Variants in SNX4 observed in about 807,000 individuals in gnomAD.
The protein encoded by SNX4 is sorting nexin 4, also known as sorting nexin-4.
In SNX4, 49 loss-of-function variants were observed where a neutral mutation model predicts 70.8. The observed-to-expected ratio is 0.69, with a 90% CI of 0.55 to 0.88. The LOEUF (loss-of-function observed/expected upper bound fraction) is 0.88. Among genes scored for constraint, SNX4 ranks in the 40% least tolerant of loss-of-function variants. SNX4 has a pLI of 0.00. For synonymous variants in SNX4, 206 were observed against 183.8 expected (o/e 1.12, Z -0.98); for missense variants, 528 against 544.8 (o/e 0.97, Z 0.31).
At chr3:125,478,823 C>T (rs1028236675) in intron 7 of SNX4, among the ~76,000 whole-genome samples, 11 of 152,124 alleles carry the variant, frequency 7.2e-5, no homozygotes, top group South Asian at 2.1e-4. Context: ...GCACCTCCCA[C>T]GAGAACTATT....
chr3:125,472,841 TACA>T (rs1667132740), intron 8 of SNX4, among the ~76,000 whole-genome samples: 1 of 152,076 alleles, frequency 6.6e-6, no homozygotes, highest in African/African-American at 2.4e-5. Context: ...CGGTGCCTTC[TACA>T]ACTCACCTCT....
At chr3:125,464,564 C>CTTTTTTTTTTTTTT (rs778518316) in intron 9 of SNX4, among the ~76,000 whole-genome samples, 4 of 67,056 alleles carry the variant, frequency 6.0e-5, no homozygotes, top group Non-Finnish European at 7.9e-5. Flanking sequence ...ATTTATCTTT[C>CTTTTTTTTTTTTTT]TTTTTTTTTT....
chr3:125,478,060 C>A (rs57654548), intron 7 of SNX4, among the ~76,000 whole-genome samples: 22,445 of 149,104 alleles, frequency 0.15, 1,778 homozygotes, highest in African/African-American at 0.19. Flanking sequence ...TCTTCTTCTT[C>A]TTATTATTAT....
intron 9 of SNX4, among the ~76,000 whole-genome samples, chr3:125,467,073 ACT>A (rs1321571318): frequency 8.3e-6 from 1 of 121,026 alleles, no homozygotes; most frequent in Non-Finnish European, 1.6e-5. Flanking sequence ...AAAGAGTGAG[ACT>A]CTGTCTTCCA....
At chr3:125,483,905 A>T (rs181528419) in intron 6 of SNX4, among the ~76,000 whole-genome samples, 2 of 152,382 alleles carry the variant, frequency 1.3e-5, no homozygotes, top group Admixed American at 1.3e-4. Context: ...CTGCATATTA[A>T]AATGAGGAAT....
chr3:125,502,413 T>G (rs1330375865), intron 2 of SNX4, among the ~76,000 whole-genome samples: 1 of 151,978 alleles, frequency 6.6e-6, no homozygotes, highest in Non-Finnish European at 1.5e-5. Flanking sequence ...GAAAACTAAA[T>G]TTTCAGAATT....
chr3:125,458,804 G>A (rs1933795703), intron 10 of SNX4, among the ~76,000 whole-genome samples: 1 of 105,820 alleles, frequency 9.5e-6, no homozygotes, highest in African/African-American at 3.7e-5. Context: ...GAAAGAGCGA[G>A]ACTCCGTCTC....
chr3:125,455,754 C>T (rs568553803), intron 11 of SNX4, among the ~76,000 whole-genome samples: 55 of 152,242 alleles, frequency 3.6e-4, no homozygotes, highest in African/African-American at 1.2e-3. Flanking sequence ...TGGCTCATGC[C>T]TATAATCCCA....
chr3:125,465,791 C>A (rs969820479), intron 9 of SNX4, among the ~76,000 whole-genome samples: 1 of 151,916 alleles, frequency 6.6e-6, no homozygotes, highest in Non-Finnish European at 1.5e-5. Context: ...TATAGGCATG[C>A]GCCACCACAC....
At chr3:125,502,328 T>C (rs1934945929) in intron 2 of SNX4, among the ~76,000 whole-genome samples, 1 of 146,906 alleles carries the variant, frequency 6.8e-6, no homozygotes. Context: ...CTAAACTTCT[T>C]ACTGTATAAA....
chr3:125,482,241 T>C (rs544389908), intron 6 of SNX4, among the ~76,000 whole-genome samples: 2 of 152,324 alleles, frequency 1.3e-5, no homozygotes, highest in South Asian at 4.1e-4. Context: ...ACTCCAGATC[T>C]ATAAAACCAA....
chr3:125,451,237 TA>T, intron 13 of SNX4, 67 bp downstream of exon 13: 1 of 931,438 alleles, frequency 1.1e-6, no homozygotes, highest in Non-Finnish European at 1.6e-6. Flanking sequence ...TTTGGTCAGG[TA>T]ATTTAAATAC....
intron 8 of SNX4, among the ~76,000 whole-genome samples, chr3:125,475,888 G>A (rs1341212955): frequency 6.6e-6 from 1 of 151,498 alleles, no homozygotes; most frequent in Admixed American, 6.6e-5. Flanking sequence ...TGAAGCAGGA[G>A]GATCACTAGA....
chr3:125,467,288 G>A (rs967212611), intron 9 of SNX4, among the ~76,000 whole-genome samples: 2 of 151,974 alleles, frequency 1.3e-5, no homozygotes, highest in Non-Finnish European at 2.9e-5. Context: ...TCGGGAGGCT[G>A]AGTCAGGAGA....
chr3:125,483,545 G>C lies in SNX4; in HGVS notation c.654-3226C>G, dbSNP rs1490148668. ...AGGTGAAGCAGAGGTTTCTGGAGTT[G>C]AAAGGTCTTAACACCTTTGGTCACA... On this transcript the variant is annotated intron_variant, in intron 6 of 13. Coordinates refer to ENST00000251775, the MANE Select transcript of SNX4 (RefSeq NM_003794.4). 5.3e-5 allele frequency among the ~76,000 whole-genome samples: 8 copies of C among 152,182 alleles called. 1 individual carries two copies. Among genetic ancestry groups the C allele is most frequent in the Admixed American group, 5.2e-4 (8 of 15,280 alleles).
rs554887245 is a variant in SNX4, at chr3:125,519,987, G to A, written c.141+45C>T. On this transcript the variant is annotated intron_variant, in intron 1 of 13. Coordinates refer to ENST00000251775, the MANE Select transcript of SNX4 (RefSeq NM_003794.4). ...CAGCCCAGCCCAGCCCGGCCCGCTA[G>A]GCCACCACACAGGCCATGAGGGCTC... 13 of 1,143,844 alleles carry A rather than the reference G, an allele frequency of 1.1e-5. No homozygotes were observed. The East Asian group carries it at 3.0e-4, about 26-fold the overall frequency. 70.9% of individuals were successfully genotyped at this position (1,143,844 alleles called of 1,614,324 possible).
chr3:125,475,997 A>C (rs1934281595), intron 8 of SNX4, among the ~76,000 whole-genome samples: 1 of 151,568 alleles, frequency 6.6e-6, no homozygotes, highest in East Asian at 2.0e-4. Context: ...AACCGGGTGC[A>C]GTGGCATACA....
intron 2 of SNX4, among the ~76,000 whole-genome samples, chr3:125,504,153 A>C (rs1209553651): frequency 6.6e-6 from 1 of 152,126 alleles, no homozygotes; most frequent in Non-Finnish European, 1.5e-5. Flanking sequence ...CAACACGGTG[A>C]AACCCTGTCT....
intron 11 of SNX4, among the ~76,000 whole-genome samples, chr3:125,455,182 G>A (rs1400184131): frequency 2.0e-5 from 3 of 152,086 alleles, no homozygotes; most frequent in East Asian, 1.9e-4. Flanking sequence ...CTGGGTTTAC[G>A]CCTCTGCTGC....
Sources: allele counts gnomAD v4.1 joint callset (sites outside exome capture counted in the v4.1 genomes callset), GRCh38; gene constraint gnomAD v4.1.1; transcripts MANE v1.5; gene names NCBI Gene and HGNC (gene_info 2026-07-23, HGNC 2026-07-21).